R3HCC1L: variants seen among roughly 807,000 people sequenced by gnomAD.
R3HCC1L encodes the protein R3H domain and coiled-coil containing 1 like.
Under a neutral mutation model 59.9 loss-of-function variants are expected in R3HCC1L, and 51 were observed. The ratio of observed to expected loss-of-function variants is 0.85; its 90% CI spans 0.68 to 1.07. The LOEUF (loss-of-function observed/expected upper bound fraction) is 1.07. Among genes scored for constraint, R3HCC1L ranks in the 50% least tolerant of loss-of-function variants. The pLI, the probability that R3HCC1L is intolerant of heterozygous loss-of-function variation, is 0.00. For missense variants in R3HCC1L, 965 were observed against 933.0 expected (o/e 1.03, Z -0.45); for synonymous variants, 322 against 315.2 (o/e 1.02, Z -0.23).
At chr10:98,173,307 C>T (rs1483382228) in intron 4 of R3HCC1L, among the ~76,000 whole-genome samples, 3 of 152,070 alleles carry the variant, frequency 2.0e-5, no homozygotes, top group African/African-American at 7.2e-5. Context: ...GCTCATGTTG[C>T]CTGTCCTGGT....
At chr10:98,204,089 G>A (rs371866007) in intron 4 of R3HCC1L, among the ~76,000 whole-genome samples, 15 of 152,198 alleles carry the variant, frequency 9.9e-5, no homozygotes, top group African/African-American at 3.6e-4. Flanking sequence ...AGAACATTGC[G>A]AAAAAGTTAA....
In R3HCC1L at chr10:98,209,740, TG is replaced by T; in HGVS notation, c.1627del (p.Val543TyrfsTer127). ...QDDSGSIEFG[V>X]SFPDRESSSM... ...ATGACTCAGGGAGTATAGAATTTGG[TG>T]TATCTTTTCCTGATAGGGAATCATC... On this transcript the variant is annotated frameshift_variant, in exon 5 of 10. Transcript: ENST00000298999. LOFTEE classifies it high-confidence loss of function. 1 of 1,613,898 alleles carries T rather than the reference TG, an allele frequency of 6.2e-7. No individual in the cohort carries two copies. The highest frequency in any genetic ancestry group is 8.5e-7 in the Non-Finnish European group (1 of 1,179,856).
chr10:98,173,445 A>G (rs770416514), intron 4 of R3HCC1L, among the ~76,000 whole-genome samples: 1 of 152,106 alleles, frequency 6.6e-6, no homozygotes, highest in Non-Finnish European at 1.5e-5. Context: ...GAGGGAGCCT[A>G]ATGTACCGGA....
chr10:98,209,995 T>A, intron 5 of R3HCC1L, 96 bp downstream of exon 5: 1 of 954,016 alleles, frequency 1.0e-6, no homozygotes, highest in Non-Finnish European at 1.6e-6. Context: ...CACTGATATT[T>A]AAGAGTTCCT....
rs1850490768 is a variant in R3HCC1L, at chr10:98,188,617, A to G, written c.-14-19484A>G. On this transcript the variant is annotated intron_variant, in intron 4 of 9. Transcript: ENST00000298999. ...TCTGTGCCTCAGTTATGTCTTTCAG[A>G]GTAGCTTTTGGAGAGGTTAAAGAAG... 1.3e-5 allele frequency among the ~76,000 whole-genome samples: 2 copies of G among 152,162 alleles called. 1 individual carries two copies. The highest frequency in any genetic ancestry group is 4.1e-4 in the South Asian group (2 of 4,822).
chr10:98,190,825 C>A (rs1207510770), intron 4 of R3HCC1L, among the ~76,000 whole-genome samples: 1 of 149,712 alleles, frequency 6.7e-6, no homozygotes, highest in Admixed American at 6.6e-5. Flanking sequence ...CCCGACAGGC[C>A]CCAGTGTGTG....
rs768744727 is a variant in R3HCC1L, at chr10:98,209,754, A to G, written c.1640A>G (p.Asp547Gly). The change falls in exon 5 of 10, where the codon GAT becomes GGT. Residue 547 changes from aspartate to glycine, a missense_variant. By Grantham distance (94) the Asp-to-Gly change is moderately conservative (BLOSUM62 -1). Coordinates refer to ENST00000298999, the MANE Select transcript of R3HCC1L (RefSeq NM_001351015.2). ...ATAGAATTTGGTGTATCTTTTCCTG[A>G]TAGGGAATCATCATCTATGGAAACA... ...GSIEFGVSFP[D>G]RESSSMETSI... 37 of 1,613,792 alleles carry G rather than the reference A, an allele frequency of 2.3e-5. No homozygotes were observed. Among genetic ancestry groups the G allele is most frequent in the Non-Finnish European group, 3.1e-5 (36 of 1,179,868 alleles).
chr10:98,242,022 A>G (rs1857580154), intron 9 of R3HCC1L, among the ~76,000 whole-genome samples: 1 of 152,072 alleles, frequency 6.6e-6, no homozygotes, highest in African/African-American at 2.4e-5. Context: ...TTACCATTAG[A>G]ATCTATTTAC....
chr10:98,188,646 A>C (rs536167294), intron 4 of R3HCC1L, among the ~76,000 whole-genome samples: 12 of 152,174 alleles, frequency 7.9e-5, no homozygotes, highest in Admixed American at 7.2e-4. Flanking sequence ...AAAGAAGGCA[A>C]TTGGGGCTTC....
At chr10:98,182,773 TG>T (rs2134617651) in intron 4 of R3HCC1L, among the ~76,000 whole-genome samples, 2 of 152,308 alleles carry the variant, frequency 1.3e-5, no homozygotes, top group South Asian at 4.1e-4. Flanking sequence ...GCCAGGCTGC[TG>T]CCTCGCAGTT....
intron 4 of R3HCC1L, among the ~76,000 whole-genome samples, chr10:98,166,131 T>C (rs2134254433): frequency 6.6e-6 from 1 of 152,282 alleles, no homozygotes; most frequent in South Asian, 2.1e-4. Flanking sequence ...ACTGTACCAT[T>C]GCACTGCAGT....
chr10:98,226,178 G>A (rs1252890578), intron 5 of R3HCC1L, among the ~76,000 whole-genome samples: 1 of 152,122 alleles, frequency 6.6e-6, no homozygotes, highest in East Asian at 1.9e-4. Context: ...AAGATATTTT[G>A]TGATTTGCAT....
intron 4 of R3HCC1L, among the ~76,000 whole-genome samples, chr10:98,187,771 C>G (rs982583655): frequency 6.8e-5 from 6 of 88,758 alleles, no homozygotes; most frequent in African/African-American, 2.7e-4. Flanking sequence ...AGGTCTTGTT[C>G]TGTTCTCCAG....
chr10:98,166,224 C>T (rs914141077), intron 4 of R3HCC1L, among the ~76,000 whole-genome samples: 5 of 152,150 alleles, frequency 3.3e-5, no homozygotes, highest in African/African-American at 1.2e-4. Context: ...TGCTCTGTTT[C>T]TGCTGTATGA....
At chr10:98,214,240 T>G (rs1695695277) in intron 5 of R3HCC1L, among the ~76,000 whole-genome samples, 1 of 152,200 alleles carries the variant, frequency 6.6e-6, no homozygotes, top group Non-Finnish European at 1.5e-5. Flanking sequence ...ACAAGGAAGC[T>G]TTTATTTAAG....
chr10:98,185,269 C>T (rs1438396583), intron 4 of R3HCC1L, among the ~76,000 whole-genome samples: 3 of 152,094 alleles, frequency 2.0e-5, no homozygotes, highest in Non-Finnish European at 4.4e-5. Context: ...AGGCCCTGTG[C>T]TCAGTGTTGG....
chr10:98,197,364 C>T (rs1396508367), intron 4 of R3HCC1L, among the ~76,000 whole-genome samples: 1 of 152,114 alleles, frequency 6.6e-6, no homozygotes, highest in Non-Finnish European at 1.5e-5. Context: ...CTCTCTGACT[C>T]GATTTAAACA....
chr10:98,145,930 C>T (rs868029740), intron 1 of R3HCC1L, among the ~76,000 whole-genome samples: 31 of 151,094 alleles, frequency 2.1e-4, no homozygotes, highest in Middle Eastern at 3.4e-3. Context: ...GCCTGGGAGA[C>T]AGAGCGAGAC....
chr10:98,209,846 G>A lies in R3HCC1L; in HGVS notation c.1732G>A (p.Glu578Lys), dbSNP rs1389107401. The A allele has an allele frequency of 1.2e-6, 2 of 1,613,588 alleles. No individual in the cohort carries two copies. Among genetic ancestry groups the A allele is most frequent in the African/African-American group, 2.7e-5 (2 of 74,898 alleles). ...EGITAIEESW[E>K]SMFNDDGDCL... ...AATTACTGCCATTGAGGAGAGCTGG[G>A]AGTCTATGTTTAACGATGATGGTGA... Residue 578 changes from glutamate (E) to lysine (K), a missense_variant, in exon 5 of 10, where the codon GAG (glutamate) becomes AAG (lysine). By Grantham distance (56) the Glu-to-Lys change is moderately conservative. Transcript: ENST00000298999.
Sources: allele counts gnomAD v4.1 joint callset (sites outside exome capture counted in the v4.1 genomes callset), GRCh38; gene constraint gnomAD v4.1.1; transcripts MANE v1.5; gene names NCBI Gene and HGNC (gene_info 2026-07-23, HGNC 2026-07-21).